NIPA1: variants seen among roughly 807,000 people sequenced by gnomAD.
The protein encoded by NIPA1 is NIPA magnesium transporter 1, also known as magnesium transporter NIPA1.
Under a neutral mutation model 23.9 loss-of-function variants are expected in NIPA1, and 13 were observed. The ratio of observed to expected loss-of-function variants is 0.54; its 90% CI spans 0.35 to 0.87. The LOEUF is 0.87. Among genes scored for constraint, NIPA1 ranks in the 40% least tolerant of loss-of-function variants. The probability of loss-of-function intolerance (pLI) is 0.01; values close to 1 mark genes in which losing one functional copy is unlikely to be tolerated. For missense variants in NIPA1, 362 were observed against 429.7 expected, an observed-to-expected ratio of 0.84 and a Z score of 1.39; for synonymous variants, 234 against 202.9, an observed-to-expected ratio of 1.15 and a Z score of -1.30.
intron 1 of NIPA1, among the ~76,000 whole-genome samples, chr15:22,803,082 C>T (rs1468037217): frequency 6.6e-6 from 1 of 151,790 alleles, no homozygotes; most frequent in African/African-American, 2.4e-5. Context: ...TCAGCCTCTC[C>T]AGTAGCTGGG....
At chr15:22,816,839 T>C (rs1244770342) in intron 3 of NIPA1, among the ~76,000 whole-genome samples, 1 of 151,780 alleles carries the variant, frequency 6.6e-6, no homozygotes. Context: ...TAAGAAATTA[T>C]TAGAACTAAT....
At chr15:22,819,934 C>T (rs1895502871) in intron 3 of NIPA1, among the ~76,000 whole-genome samples, 1 of 152,150 alleles carries the variant, frequency 6.6e-6, no homozygotes, top group Non-Finnish European at 1.5e-5. Context: ...TGGCTCACAC[C>T]TATAATTCCA....
At chr15:22,820,622 A>C in intron 4 of NIPA1, 149 bp downstream of exon 4, 1 of 766,616 alleles carries the variant, frequency 1.3e-6, no homozygotes. Flanking sequence ...TTCTCTGGGA[A>C]CGTGCATCAG....
intron 1 of NIPA1, among the ~76,000 whole-genome samples, chr15:22,804,079 C>T (rs541587760): frequency 6.6e-6 from 1 of 151,780 alleles, no homozygotes; most frequent in African/African-American, 2.4e-5. Flanking sequence ...CTAGTTCGAG[C>T]GATTCTCCTG....
chr15:22,821,310 T>C (rs2140875726), intron 4 of NIPA1, among the ~76,000 whole-genome samples: 1 of 152,330 alleles, frequency 6.6e-6, no homozygotes, highest in East Asian at 1.9e-4. Context: ...TCTACGTGAT[T>C]ACAACAGACT....
chr15:22,807,841 T>A (rs1189828684), intron 1 of NIPA1, among the ~76,000 whole-genome samples: 1 of 150,530 alleles, frequency 6.6e-6, no homozygotes, highest in Non-Finnish European at 1.5e-5. Context: ...TGGAGTGCAG[T>A]GGCACAATCT....
rs371706536 is a variant in NIPA1, at chr15:22,811,594, ACT to A, written c.227-566_227-565del. ...ACTCCAGCCTGGCTGACAGAGTGAGACTCTGTCTCAAAAGAAAAAAAAGAAAC... is the reference window on the plus strand; with the variant it reads ...ACTCCAGCCTGGCTGACAGAGTGAGACTGTCTCAAAAGAAAAAAAAGAAAC... On this transcript the variant is annotated intron_variant, in intron 2 of 4. Coordinates refer to ENST00000337435, the MANE Select transcript of NIPA1 (RefSeq NM_144599.5). Among the ~76,000 whole-genome samples the A allele has an allele frequency of 2.0e-5, 3 of 152,028 alleles. No homozygotes were observed. The East Asian group carries it at 5.8e-4, about 29-fold the overall frequency.
intron 1 of NIPA1, among the ~76,000 whole-genome samples, chr15:22,806,148 C>T (rs565208616): frequency 1.4e-4 from 22 of 152,306 alleles, no homozygotes; most frequent in Admixed American, 3.9e-4. Flanking sequence ...TGGTCTTGAT[C>T]TCCTGACCTT....
At chr15:22,819,770 G>A (rs1470088419) in intron 3 of NIPA1, among the ~76,000 whole-genome samples, 2 of 152,118 alleles carry the variant, frequency 1.3e-5, no homozygotes, top group African/African-American at 2.4e-5. Flanking sequence ...AAGAAAGGAA[G>A]CATTACTTTT....
rs1258730636 is a variant in NIPA1 at position 22,812,211 on chromosome 15, CG to C, written c.277del (p.Val93SerfsTer3). On this transcript the variant is annotated frameshift_variant, in exon 3 of 5. Transcript: ENST00000337435. LOFTEE classifies it high-confidence loss of function. The stretch of plus-strand genomic sequence containing the variant: ...TTCCTGGCTTACACGGCGGTCCCCA[CG>C]GTCCTGGTAACCCCCCTGGGCGCCC... Reference protein sequence around the residue: ...GNFLAYTAVPTVLVTPLGALG... With the variant: ...GNFLAYTAVPXVLVTPLGALG... 6 of 1,613,790 alleles carry C rather than the reference CG, an allele frequency of 3.7e-6. No individual in the cohort carries two copies. The highest frequency in any genetic ancestry group is 4.2e-6 in the Non-Finnish European group (5 of 1,179,756).
intron 1 of NIPA1, among the ~76,000 whole-genome samples, chr15:22,809,493 C>A (rs7164822): frequency 6.6e-6 from 1 of 152,038 alleles, no homozygotes; most frequent in African/African-American, 2.4e-5. Flanking sequence ...CACCTGTAAT[C>A]CAGCAGTTTG....
intron 1 of NIPA1, among the ~76,000 whole-genome samples, chr15:22,794,732 A>G (rs1894906344): frequency 6.6e-6 from 1 of 151,890 alleles, no homozygotes; most frequent in Admixed American, 6.6e-5. Flanking sequence ...CTTTCCTGTC[A>G]TACCCACGCT....
chr15:22,799,830 GC>G (rs1895032432), intron 1 of NIPA1, among the ~76,000 whole-genome samples: 1 of 148,354 alleles, frequency 6.7e-6, no homozygotes, highest in Non-Finnish European at 1.5e-5. Flanking sequence ...TGTAGTCTCA[GC>G]TACTGGGGAG....
chr15:22,804,542 A>G (rs1398964360), intron 1 of NIPA1, among the ~76,000 whole-genome samples: 1 of 152,110 alleles, frequency 6.6e-6, no homozygotes, highest in Non-Finnish European at 1.5e-5. Context: ...TCCTCAGGTC[A>G]CAATGGCATC....
At chr15:22,793,020 C>T (rs1894864372) in intron 1 of NIPA1, among the ~76,000 whole-genome samples, 1 of 152,080 alleles carries the variant, frequency 6.6e-6, no homozygotes, top group Non-Finnish European at 1.5e-5. Flanking sequence ...AAGATCACAC[C>T]ACTGCACTCC....
In NIPA1 at chr15:22,823,789, G is replaced by T; in HGVS notation, c.540G>T (p.Ala180=). The T allele has an allele frequency of 6.2e-7, 1 of 1,613,656 alleles. No homozygotes were observed. The highest frequency in any genetic ancestry group is 1.1e-5 in the South Asian group (1 of 91,060). Residue 180 remains alanine, a synonymous_variant, in exon 5 of 5, where the codon GCG becomes GCT. Transcript: ENST00000337435. ...LMLLLLIFWI[A]PAHGPTNIMV... is the part of the protein sequence containing the mutation. ...TGCTGCTGCTCATCTTCTGGATCGCGCCGGCCCATGGGCCCACCAACATCA... is the reference window on the plus strand; with the variant it reads ...TGCTGCTGCTCATCTTCTGGATCGCTCCGGCCCATGGGCCCACCAACATCA...
intron 2 of NIPA1, among the ~76,000 whole-genome samples, chr15:22,811,395 C>G (rs1234531048): frequency 6.6e-6 from 1 of 152,044 alleles, no homozygotes; most frequent in Admixed American, 6.6e-5. Flanking sequence ...ATTGTTTGAG[C>G]CCAGGAGTTC....
intron 1 of NIPA1, among the ~76,000 whole-genome samples, chr15:22,792,590 C>T (rs534855113): frequency 6.6e-6 from 1 of 151,726 alleles, no homozygotes; most frequent in Non-Finnish European, 1.5e-5. Context: ...GATCTCCTGA[C>T]CTCGTGATCT....
chr15:22,801,469 A>G (rs56321416), intron 1 of NIPA1, among the ~76,000 whole-genome samples: 11,167 of 148,364 alleles, frequency 0.075, 574 homozygotes, highest in South Asian at 0.17. Flanking sequence ...GCAGAGAGGA[A>G]GAGGGTGCTC....
Sources: allele counts gnomAD v4.1 joint callset (sites outside exome capture counted in the v4.1 genomes callset), GRCh38; gene constraint gnomAD v4.1.1; transcripts MANE v1.5; gene names NCBI Gene and HGNC (gene_info 2026-07-23, HGNC 2026-07-21).